Variants in ABCA13 observed in about 807,000 individuals in gnomAD.
The protein encoded by ABCA13 is ATP binding cassette subfamily A member 13, also known as ATP-binding cassette sub-family A member 13.
ABCA13 carries 476 observed loss-of-function variants against 478.7 expected under a neutral mutation model. That is an observed-to-expected ratio of 0.99 (90% CI 0.92 to 1.07). The LOEUF (loss-of-function observed/expected upper bound fraction) is 1.07, where lower values mean the gene tolerates loss of function less well. ABCA13 is among the 50% of genes least tolerant of loss of function. The pLI is 0.00. For missense variants in ABCA13, 6,060 were observed against 5,910.6 expected (o/e 1.03, Z -0.83); for synonymous variants, 2,252 against 2,158.9 (o/e 1.04, Z -1.20).
chr7:48,598,729 C>T (rs1223875781), intron 58 of ABCA13, among the ~76,000 whole-genome samples: 1 of 151,824 alleles, frequency 6.6e-6, no homozygotes, highest in Non-Finnish European at 1.5e-5. Context: ...ATGGTTTGTG[C>T]TTTTGGTGTC....
intron 3 of ABCA13, among the ~76,000 whole-genome samples, chr7:48,201,173 A>C (rs183397294): frequency 6.6e-6 from 1 of 152,350 alleles, no homozygotes; most frequent in East Asian, 1.9e-4. Context: ...TGAGTCATTC[A>C]ATAAGAAGTA....
chr7:48,450,084 C>A (rs1231211665), intron 42 of ABCA13, among the ~76,000 whole-genome samples: 1 of 152,146 alleles, frequency 6.6e-6, no homozygotes, highest in Non-Finnish European at 1.5e-5. Flanking sequence ...AAATAGATAA[C>A]CCAGCACCTA....
chr7:48,425,931 C>T (rs1485779113), intron 41 of ABCA13, among the ~76,000 whole-genome samples: 1 of 151,794 alleles, frequency 6.6e-6, no homozygotes, highest in South Asian at 2.1e-4. Flanking sequence ...TTAGTAGAGA[C>T]GAGGTTTCAC....
intron 3 of ABCA13, among the ~76,000 whole-genome samples, chr7:48,213,746 A>G (rs777523154): frequency 2.0e-5 from 3 of 152,210 alleles, no homozygotes; most frequent in Non-Finnish European, 4.4e-5. Flanking sequence ...AACTTTATGT[A>G]ATATTCTAAA....
chr7:48,483,608 C>T (rs1055277533), intron 47 of ABCA13, among the ~76,000 whole-genome samples: 11 of 152,152 alleles, frequency 7.2e-5, no homozygotes, highest in African/African-American at 2.7e-4. Flanking sequence ...TTTTCAAGCC[C>T]TGCCAGGACT....
chr7:48,372,998 A>G (rs1017440878), intron 33 of ABCA13, among the ~76,000 whole-genome samples: 7 of 152,218 alleles, frequency 4.6e-5, no homozygotes, highest in African/African-American at 1.4e-4. Flanking sequence ...AACATAAAAA[A>G]GTATTCATTC....
At chr7:48,504,051 G>A (rs1230289527) in intron 48 of ABCA13, among the ~76,000 whole-genome samples, 1 of 152,158 alleles carries the variant, frequency 6.6e-6, no homozygotes, top group African/African-American at 2.4e-5. Context: ...CAAAATGAAA[G>A]CAATAATAAT....
intron 38 of ABCA13, among the ~76,000 whole-genome samples, chr7:48,393,407 G>A (rs957651655): frequency 3.9e-5 from 6 of 152,204 alleles, no homozygotes; most frequent in Admixed American, 6.5e-5. Context: ...CAACCATGGC[G>A]TGAGTGTGTG....
At chr7:48,541,633 C>T (rs73694667) in intron 55 of ABCA13, among the ~76,000 whole-genome samples, 10,228 of 150,496 alleles carry the variant, frequency 0.068, 446 homozygotes, top group African/African-American at 0.12. Flanking sequence ...CAGTTCCTAT[C>T]CACCCTTTGA....
chr7:48,236,223 G>A (rs550522516), intron 8 of ABCA13, among the ~76,000 whole-genome samples: 3 of 152,264 alleles, frequency 2.0e-5, no homozygotes, highest in Admixed American at 2.0e-4. Context: ...AATATATGGT[G>A]AATGAGTTAT....
At chr7:48,577,309 A>G (rs1788277221) in intron 55 of ABCA13, among the ~76,000 whole-genome samples, 1 of 152,144 alleles carries the variant, frequency 6.6e-6, no homozygotes, top group African/African-American at 2.4e-5. Context: ...TCAATGAATT[A>G]AAAGATGAAA....
chr7:48,493,238 G>T (rs1446815683), intron 48 of ABCA13, among the ~76,000 whole-genome samples: 1 of 152,158 alleles, frequency 6.6e-6, no homozygotes, highest in South Asian at 2.1e-4. Flanking sequence ...AAGTGAATTT[G>T]CTTTTGCACT....
intron 16 of ABCA13, among the ~76,000 whole-genome samples, chr7:48,271,485 A>G (rs1451339092): frequency 6.6e-6 from 1 of 152,196 alleles, no homozygotes; most frequent in Non-Finnish European, 1.5e-5. Flanking sequence ...TTCTTCTGGC[A>G]TAAATAGCAA....
intron 5 of ABCA13, among the ~76,000 whole-genome samples, chr7:48,224,247 T>A (rs183035013): frequency 3.6e-4 from 55 of 152,268 alleles, no homozygotes; most frequent in African/African-American, 1.1e-3. Context: ...TCAGTTCAGC[T>A]TGAGAGGGCA....
chr7:48,526,929 AT>A (rs1296310665), intron 54 of ABCA13, among the ~76,000 whole-genome samples: 2 of 152,152 alleles, frequency 1.3e-5, no homozygotes, highest in Non-Finnish European at 2.9e-5. Context: ...ATAATGTAAT[AT>A]TTTTTGGAAG....
intron 27 of ABCA13, among the ~76,000 whole-genome samples, chr7:48,330,737 ACATCCATCCATC>A (rs201089135): frequency 1.1e-3 from 151 of 136,968 alleles, no homozygotes; most frequent in Non-Finnish European, 2.0e-3. Context: ...ATCCATTGAC[ACATCCATCCATC>A]CATCCATCCA....
chr7:48,237,923 AT>A (rs1344869453), intron 8 of ABCA13, among the ~76,000 whole-genome samples: 1 of 152,234 alleles, frequency 6.6e-6, no homozygotes, highest in Non-Finnish European at 1.5e-5. Context: ...GATACATGGT[AT>A]TGTTGATTAT....
intron 55 of ABCA13, among the ~76,000 whole-genome samples, chr7:48,572,779 A>G (rs1212449693): frequency 6.6e-6 from 1 of 152,162 alleles, no homozygotes; most frequent in African/African-American, 2.4e-5. Flanking sequence ...AATTGTTTCC[A>G]GCCTGTTTTC....
At chr7:48,584,733 T>C (rs1272414906) in intron 56 of ABCA13, among the ~76,000 whole-genome samples, 1 of 151,042 alleles carries the variant, frequency 6.6e-6, no homozygotes, top group East Asian at 1.9e-4. Context: ...TGTTTGCTAT[T>C]AGAAGTTTTT....
Sources: allele counts gnomAD v4.1 joint callset (sites outside exome capture counted in the v4.1 genomes callset), GRCh38; gene constraint gnomAD v4.1.1; transcripts MANE v1.5; gene names NCBI Gene and HGNC (gene_info 2026-07-23, HGNC 2026-07-21).